The following KHDRBS2 variants were observed in gnomAD, a reference collection of about 807,000 sequenced individuals.
KHDRBS2 encodes the protein KH domain-containing, RNA-binding, signal transduction-associated protein 2.
In KHDRBS2, 26 loss-of-function variants were observed where a neutral mutation model predicts 44.3. The ratio of observed to expected loss-of-function variants is 0.59; its 90% CI spans 0.43 to 0.81. The LOEUF is 0.81. KHDRBS2 is among the 40% of genes least tolerant of loss of function. The probability of loss-of-function intolerance (pLI) is 0.00; values close to 1 mark genes in which losing one functional copy is unlikely to be tolerated. For missense variants in KHDRBS2, 476 were observed against 433.1 expected (o/e 1.10, Z -0.88); for synonymous variants, 194 against 151.1 (o/e 1.28, Z -2.08).
intron 7 of KHDRBS2, among the ~76,000 whole-genome samples, chr6:61,715,966 T>A (rs188936001): frequency 2.6e-3 from 243 of 93,552 alleles, no homozygotes; most frequent in African/African-American, 0.011. Context: ...CAGGTTATAT[T>A]TTTTTAAAAT....
chr6:61,819,971 G>A (rs972154508), intron 6 of KHDRBS2, among the ~76,000 whole-genome samples: 1 of 152,050 alleles, frequency 6.6e-6, no homozygotes, highest in African/African-American at 2.4e-5. Context: ...CCTGTGAAGT[G>A]TGTAGCATTT....
intron 6 of KHDRBS2, among the ~76,000 whole-genome samples, chr6:61,831,104 T>C (rs933859948): frequency 6.6e-6 from 1 of 152,174 alleles, no homozygotes; most frequent in Non-Finnish European, 1.5e-5. Flanking sequence ...AGAAGATCAG[T>C]GCTTTTCTTC....
chr6:61,743,166 C>G (rs1776387064), intron 6 of KHDRBS2, among the ~76,000 whole-genome samples: 1 of 151,984 alleles, frequency 6.6e-6, no homozygotes, highest in South Asian at 2.1e-4. Flanking sequence ...ATATACAATT[C>G]AAGTGAACAC....
chr6:62,266,284 C>T (rs1839184429), intron 1 of KHDRBS2, among the ~76,000 whole-genome samples: 2 of 152,068 alleles, frequency 1.3e-5, no homozygotes, highest in African/African-American at 2.4e-5. Context: ...CCACCTTCTA[C>T]GAGCCAGGGC....
chr6:61,575,529 A>G, the KHDRBS2 span, among the ~76,000 whole-genome samples: 1 of 152,224 alleles, frequency 6.6e-6, no homozygotes, highest in African/African-American at 2.4e-5. Flanking sequence ...TAGTACAACC[A>G]CTATGGAAAA....
At chr6:62,226,839 T>C (rs1049634416) in intron 1 of KHDRBS2, among the ~76,000 whole-genome samples, 6 of 152,152 alleles carry the variant, frequency 3.9e-5, no homozygotes, top group African/African-American at 1.4e-4. Context: ...GTTGTAGATA[T>C]GTGGTGTTAC....
At chr6:61,956,626 T>A (rs1444937605) in intron 4 of KHDRBS2, among the ~76,000 whole-genome samples, 3 of 151,846 alleles carry the variant, frequency 2.0e-5, no homozygotes, top group Admixed American at 2.0e-4. Flanking sequence ...CCACAAGGGG[T>A]TAATCAGTCT....
At chr6:62,142,824 A>G (rs1290005533) in intron 2 of KHDRBS2, among the ~76,000 whole-genome samples, 1 of 151,400 alleles carries the variant, frequency 6.6e-6, no homozygotes, top group Non-Finnish European at 1.5e-5. Context: ...ATTATTATAT[A>G]TAATATTGAG....
chr6:61,585,862 C>T, the KHDRBS2 span, among the ~76,000 whole-genome samples: 1 of 152,070 alleles, frequency 6.6e-6, no homozygotes, highest in South Asian at 2.1e-4. Flanking sequence ...GGGTATCTAA[C>T]TGATATCCAA....
At chr6:61,841,105 G>A (rs1453341326) in intron 6 of KHDRBS2, among the ~76,000 whole-genome samples, 1 of 152,068 alleles carries the variant, frequency 6.6e-6, no homozygotes, top group Non-Finnish European at 1.5e-5. Flanking sequence ...AGAAAAGAAA[G>A]CTTTCTTATT....
At chr6:61,554,212 T>C in the KHDRBS2 span, among the ~76,000 whole-genome samples, 1 of 152,226 alleles carries the variant, frequency 6.6e-6, no homozygotes, top group South Asian at 2.1e-4. Flanking sequence ...TTAGGATAGT[T>C]AGGTCTTCTT....
intron 1 of KHDRBS2, among the ~76,000 whole-genome samples, chr6:62,208,437 G>A (rs1358084260): frequency 6.6e-6 from 1 of 152,032 alleles, no homozygotes; most frequent in East Asian, 1.9e-4. Context: ...AAATATTATT[G>A]TATATGTACA....
chr6:62,230,221 T>A (rs1023222988), intron 1 of KHDRBS2, among the ~76,000 whole-genome samples: 1 of 152,210 alleles, frequency 6.6e-6, no homozygotes, highest in Non-Finnish European at 1.5e-5. Context: ...AAGAAATGTT[T>A]CATAAAATGT....
At position 62,237,954 on chromosome 6, in the gene KHDRBS2, A is replaced by G. The variant is rs149228733; in HGVS notation, c.91+47904T>C. 1.7e-3 allele frequency among the ~76,000 whole-genome samples: 261 copies of G among 151,542 alleles called. 2 individuals carry two copies. Among genetic ancestry groups the G allele is most frequent in the African/African-American group, 6.0e-3 (246 of 41,146 alleles). On this transcript the variant is annotated intron_variant, in intron 1 of 8. Coordinates refer to ENST00000281156, the MANE Select transcript of KHDRBS2 (RefSeq NM_152688.4). ...CTTGGGAGGCTAAGGCAGGAGAATC[A>G]CTTGAACCTGGGAGGCGGAGGTTGC...
At chr6:62,217,027 TAA>T (rs566995007) in intron 1 of KHDRBS2, among the ~76,000 whole-genome samples, 12 of 122,876 alleles carry the variant, frequency 9.8e-5, no homozygotes, top group Admixed American at 1.7e-4. Flanking sequence ...ATGATCTGAT[TAA>T]AAAAAAAAAA....
intron 6 of KHDRBS2, among the ~76,000 whole-genome samples, chr6:61,791,216 GC>G (rs1438614667): frequency 6.6e-6 from 1 of 150,672 alleles, no homozygotes; most frequent in Non-Finnish European, 1.5e-5. Context: ...TTTTTCCCCT[GC>G]CTCACTCCGG....
chr6:62,199,623 T>C (rs1343808318), intron 1 of KHDRBS2, among the ~76,000 whole-genome samples: 2 of 152,132 alleles, frequency 1.3e-5, no homozygotes, highest in Non-Finnish European at 2.9e-5. Flanking sequence ...TGCTCATGGG[T>C]AGGAAGACTC....
At chr6:62,025,830 T>G (rs1426790689) in intron 3 of KHDRBS2, among the ~76,000 whole-genome samples, 1 of 152,096 alleles carries the variant, frequency 6.6e-6, no homozygotes, top group Non-Finnish European at 1.5e-5. Flanking sequence ...TGCTTATTAT[T>G]TCACTGTTGC....
intron 6 of KHDRBS2, among the ~76,000 whole-genome samples, chr6:61,880,350 G>T (rs1042855348): frequency 1.3e-5 from 2 of 151,914 alleles, no homozygotes; most frequent in Non-Finnish European, 2.9e-5. Context: ...GGAGGAGATT[G>T]CATTCTGGAA....
Sources: allele counts gnomAD v4.1 joint callset (sites outside exome capture counted in the v4.1 genomes callset), GRCh38; gene constraint gnomAD v4.1.1; transcripts MANE v1.5; gene names NCBI Gene and HGNC (gene_info 2026-07-23, HGNC 2026-07-21).